TNS1: variants seen among roughly 807,000 people sequenced by gnomAD.
TNS1 encodes the protein tensin 1.
TNS1 carries 62 observed loss-of-function variants against 168.6 expected under a neutral mutation model. The ratio of observed to expected loss-of-function variants is 0.37; its 90% CI spans 0.30 to 0.45. The LOEUF (loss-of-function observed/expected upper bound fraction) is 0.45, where lower values mean the gene tolerates loss of function less well. Ranked by LOEUF, TNS1 falls within the 20% of genes least tolerant of loss-of-function variation. The pLI, the probability that TNS1 is intolerant of heterozygous loss-of-function variation, is 1.00. For missense variants in TNS1, 2,240 were observed against 2,339.4 expected, an observed-to-expected ratio of 0.96 and a Z score of 0.88; for synonymous variants, 934 against 933.2, an observed-to-expected ratio of 1.00 and a Z score of -0.02.
intron 3 of TNS1, among the ~76,000 whole-genome samples, chr2:217,920,997 G>A (rs1304735502): frequency 6.6e-6 from 1 of 151,432 alleles, no homozygotes; most frequent in Non-Finnish European, 1.5e-5. Flanking sequence ...GGGAGGGAGA[G>A]GGAAGAGGAG....
intron 18 of TNS1, among the ~76,000 whole-genome samples, chr2:217,852,030 AGCT>A (rs941357823): frequency 5.6e-4 from 85 of 152,306 alleles, no homozygotes; most frequent in Middle Eastern, 3.4e-3. Context: ...CTGTAATCCC[AGCT>A]ACTCGGGAGG....
chr2:217,951,287 C>T (rs1182096432), intron 3 of TNS1, among the ~76,000 whole-genome samples: 1 of 152,226 alleles, frequency 6.6e-6, no homozygotes, highest in Admixed American at 6.5e-5. Context: ...CATTCTCCTC[C>T]TTCAAAGAAG....
rs757058142 is a variant in TNS1 at position 218,032,967 on chromosome 2, G to A, written c.156+853C>T. ...CTTGATCATCCACCTCCAGAGCCCC[G>A]GCTCCTCCCTCCATCACAGCCCCAC... is the stretch of plus-strand genomic sequence containing the variant. On this transcript the variant is annotated intron_variant, in intron 1 of 1. Transcript: ENST00000649572. The surrounding 1 kb of genome is among the most constrained non-coding windows in gnomAD (Gnocchi z 4.0). 6.6e-6 allele frequency among the ~76,000 whole-genome samples: 1 copy of A among 151,962 alleles called. No individual in the cohort carries two copies. The highest frequency in any genetic ancestry group is 2.4e-5 in the African/African-American group (1 of 41,370).
chr2:217,966,306 TGTGCGCGC>T (rs1314427833), intron 3 of TNS1, among the ~76,000 whole-genome samples: 3 of 135,226 alleles, frequency 2.2e-5, no homozygotes, highest in Non-Finnish European at 4.6e-5. Flanking sequence ...TGTGTGTGTG[TGTGCGCGC>T]GCGCGCGTGT....
chr2:217,934,153 G>A (rs1483417533), intron 3 of TNS1, among the ~76,000 whole-genome samples: 1 of 152,158 alleles, frequency 6.6e-6, no homozygotes, highest in Non-Finnish European at 1.5e-5. Flanking sequence ...TCAAACCCAG[G>A]ACAGCCAGAC....
At chr2:217,874,540 A>T (rs1950051939) in intron 18 of TNS1, among the ~76,000 whole-genome samples, 1 of 152,216 alleles carries the variant, frequency 6.6e-6, no homozygotes, top group Non-Finnish European at 1.5e-5. Flanking sequence ...TAGCAAGTTG[A>T]TGTCAGAGGC....
intron 2 of TNS1, among the ~76,000 whole-genome samples, chr2:217,984,442 G>C (rs1286792022): frequency 6.6e-6 from 1 of 151,834 alleles, no homozygotes; most frequent in Non-Finnish European, 1.5e-5. Flanking sequence ...AAGGCAGGGG[G>C]GCACATAAGA....
chr2:217,988,344 C>T (rs1358021526), intron 2 of TNS1, among the ~76,000 whole-genome samples: 3 of 152,214 alleles, frequency 2.0e-5, no homozygotes, highest in Non-Finnish European at 1.5e-5. Flanking sequence ...CCCAAGCCCT[C>T]AGGCCAGGTC....
chr2:217,882,093 T>C, intron 17 of TNS1: 1 of 362,608 alleles, frequency 2.8e-6, no homozygotes. Flanking sequence ...AACAGGCTGA[T>C]GACCTAATGG....
At position 217,885,187 on chromosome 2, in the gene TNS1, C is replaced by G. The variant is rs191313458; in HGVS notation, c.1117-23G>C. 282 of 1,613,962 alleles carry G rather than the reference C, an allele frequency of 1.7e-4. No homozygotes were observed. In the African/African-American group the frequency reaches 2.7e-3, roughly 15 times the overall value. ...CAGCTGGGTGGGAAGACGGGCAGAA[C>G]CAGTCAGGGGCCTGAGGCTGGGAGG... On this transcript the variant is annotated intron_variant, in intron 15 of 32. Transcript: ENST00000682258.
intron 4 of TNS1, among the ~76,000 whole-genome samples, chr2:217,912,432 T>A (rs1170329628): frequency 7.0e-6 from 1 of 142,124 alleles, no homozygotes; most frequent in Non-Finnish European, 1.5e-5. Flanking sequence ...CTGGGAGGCC[T>A]GGAATCTGGG....
At chr2:218,019,487 G>GA (rs906322960) in intron 1 of TNS1, among the ~76,000 whole-genome samples, 15 of 152,178 alleles carry the variant, frequency 9.9e-5, no homozygotes, top group Admixed American at 2.6e-4. Context: ...CATCTCCCTG[G>GA]AAAAAACCCC....
Position 217,799,887 on chromosome 2 carries a change from A to G in TNS1, c.*4572T>C, listed in dbSNP as rs552525811. 1 of 152,230 alleles carries G rather than the reference A, an allele frequency of 6.6e-6. No individual in the cohort carries two copies. Among genetic ancestry groups the G allele is most frequent in the Non-Finnish European group, 1.5e-5 (1 of 68,048 alleles). 9.4% of individuals were successfully genotyped at this position (152,230 alleles called of 1,614,324 possible). A position where few individuals can be genotyped will look rare whatever the true frequency, so the allele number is the denominator to read the frequency against. ...GTGGGGACGCGTCAGTGTACAATACATTCATGTCCAGGATAAGGAGCATAC... is the reference window on the plus strand; with the variant it reads ...GTGGGGACGCGTCAGTGTACAATACGTTCATGTCCAGGATAAGGAGCATAC... On this transcript the variant is annotated 3_prime_UTR_variant, in exon 33 of 33. Coordinates refer to ENST00000682258, the MANE Select transcript of TNS1 (RefSeq NM_001387777.1).
chr2:217,862,997 A>G (rs909267077), intron 18 of TNS1, among the ~76,000 whole-genome samples: 1 of 152,130 alleles, frequency 6.6e-6, no homozygotes, highest in Non-Finnish European at 1.5e-5. Flanking sequence ...CCCCTCACCC[A>G]CACTGAGGGG....
intron 1 of TNS1, among the ~76,000 whole-genome samples, chr2:217,994,266 G>T (rs961508954): frequency 6.6e-6 from 1 of 152,068 alleles, no homozygotes; most frequent in African/African-American, 2.4e-5. Flanking sequence ...CCTGGACTTG[G>T]GGGACTTCCC....
intron 18 of TNS1, among the ~76,000 whole-genome samples, chr2:217,860,139 C>T (rs937228375): frequency 1.3e-5 from 2 of 152,268 alleles, no homozygotes; most frequent in Middle Eastern, 3.4e-3. Flanking sequence ...TTTGGTACAG[C>T]GAGATTGGGA....
chr2:217,971,518 A>G (rs187307022), intron 3 of TNS1, among the ~76,000 whole-genome samples: 34 of 152,370 alleles, frequency 2.2e-4, no homozygotes, highest in African/African-American at 7.7e-4. Context: ...TTGGAAATAA[A>G]GCTGCTATGA....
At chr2:217,846,743 T>G (rs1946700183) in intron 19 of TNS1, among the ~76,000 whole-genome samples, 1 of 152,212 alleles carries the variant, frequency 6.6e-6, no homozygotes, top group Non-Finnish European at 1.5e-5. Flanking sequence ...CTTGCCTTTG[T>G]CTCCCCAAAA....
intron 18 of TNS1, among the ~76,000 whole-genome samples, chr2:217,869,815 G>A (rs1044860550): frequency 6.6e-6 from 1 of 152,172 alleles, no homozygotes; most frequent in Non-Finnish European, 1.5e-5. Flanking sequence ...AGGGCTTCTG[G>A]GCCAGCTCAG....
Sources: gnomAD v4.1 joint callset for allele counts (sites outside exome capture counted in the v4.1 genomes callset) on GRCh38, gnomAD v4.1.1 for gene constraint, Gnocchi (gnomAD v3.1) non-coding constraint, MANE v1.5 for transcripts, NCBI Gene and HGNC (gene_info 2026-07-23, HGNC 2026-07-21) for gene names.